Variants in FARP2 observed in about 807,000 individuals in gnomAD.
FARP2 encodes the protein FERM, ARHGEF and pleckstrin domain-containing protein 2.
A neutral mutation model predicts 130.5 loss-of-function variants in FARP2; 111 were observed. The ratio of observed to expected loss-of-function variants is 0.85; its 90% CI spans 0.73 to 1.00. The LOEUF is 1.00. FARP2 is among the 50% of genes least tolerant of loss of function. The probability of loss-of-function intolerance (pLI) is 0.00; values close to 1 mark genes in which losing one functional copy is unlikely to be tolerated. For missense variants in FARP2, 1,385 were observed against 1,346.3 expected (o/e 1.03, Z -0.45); for synonymous variants, 504 against 516.9 (o/e 0.98, Z 0.34).
At chr2:241,486,912 C>T (rs1196586047) in intron 21 of FARP2, among the ~76,000 whole-genome samples, 2 of 152,242 alleles carry the variant, frequency 1.3e-5, no homozygotes, top group East Asian at 3.8e-4. Context: ...GTCTCTCTTA[C>T]TCTTCCCAAG....
intron 19 of FARP2, among the ~76,000 whole-genome samples, chr2:241,483,179 G>A (rs956034610): frequency 3.9e-5 from 6 of 152,134 alleles, no homozygotes; most frequent in Admixed American, 6.5e-5. Flanking sequence ...ACAATACTCC[G>A]GGCTCTACCT....
intron 8 of FARP2, among the ~76,000 whole-genome samples, chr2:241,424,568 A>G (rs2062884901): frequency 6.6e-6 from 1 of 152,194 alleles, no homozygotes; most frequent in Non-Finnish European, 1.5e-5. Flanking sequence ...TCAAGAGCAA[A>G]CAAACCTCAA....
chr2:241,412,267 A>G (rs996038317), intron 6 of FARP2, among the ~76,000 whole-genome samples: 1 of 152,192 alleles, frequency 6.6e-6, no homozygotes, highest in Admixed American at 6.5e-5. Flanking sequence ...AACAGCACGG[A>G]AAAGATCCGC....
At chr2:241,455,118 G>GAAC (rs2063795461) in intron 13 of FARP2, among the ~76,000 whole-genome samples, 1 of 152,214 alleles carries the variant, frequency 6.6e-6, no homozygotes, top group Non-Finnish European at 1.5e-5. Context: ...TAGGTTAAGT[G>GAAC]AACCAAGTTT....
intron 2 of FARP2, among the ~76,000 whole-genome samples, chr2:241,384,008 A>C (rs2061725741): frequency 6.6e-6 from 1 of 151,460 alleles, no homozygotes; most frequent in Admixed American, 6.6e-5. Context: ...AGGTGCTAAC[A>C]TTGCCCTTCT....
At chr2:241,385,976 T>C (rs1278017504) in intron 2 of FARP2, among the ~76,000 whole-genome samples, 1 of 152,232 alleles carries the variant, frequency 6.6e-6, no homozygotes, top group Non-Finnish European at 1.5e-5. Flanking sequence ...TTTTATTTTA[T>C]GAATGTCAAC....
rs566578475 is a variant in FARP2 at position 241,405,214 on chromosome 2, G to T, written c.331+373G>T. On this transcript the variant is annotated intron_variant, in intron 4 of 26. Coordinates refer to ENST00000264042, the MANE Select transcript of FARP2 (RefSeq NM_014808.4). ...TACAGTTATAAACATAATTGTAATT[G>T]TGAATATAATAATAACAATTATATT... 6 of 160,850 alleles carry T rather than the reference G, an allele frequency of 3.7e-5. No homozygotes were observed. In the South Asian group the frequency reaches 1.1e-3, roughly 29 times the overall value. The allele number at this position is 160,850 out of a possible 1,614,324, so 10.0% of individuals were successfully genotyped here. A position where few individuals can be genotyped will look rare whatever the true frequency, so the allele number is the denominator to read the frequency against.
intron 19 of FARP2, among the ~76,000 whole-genome samples, chr2:241,481,042 T>C (rs1365940733): frequency 1.6e-5 from 2 of 125,790 alleles, no homozygotes; most frequent in African/African-American, 6.3e-5. Context: ...AACATACTGA[T>C]ACCTTGTCTC....
intron 7 of FARP2, among the ~76,000 whole-genome samples, chr2:241,414,715 A>T (rs542025465): frequency 1.3e-5 from 2 of 152,222 alleles, no homozygotes; most frequent in Non-Finnish European, 2.9e-5. Flanking sequence ...GTCATGAGAT[A>T]TACAGATGCG....
chr2:241,375,555 A>G (rs971997222), intron 2 of FARP2, among the ~76,000 whole-genome samples: 2 of 152,182 alleles, frequency 1.3e-5, no homozygotes, highest in African/African-American at 4.8e-5. Context: ...TTTTATACCT[A>G]AGAAAATAAG....
chr2:241,493,046 TTTCACTGGAGC>T lies in FARP2; in HGVS notation c.2895+11_2895+21del, dbSNP rs1316505533. 1.4e-6 allele frequency: 2 copies of T among 1,464,476 alleles called. No individual in the cohort carries two copies. Among genetic ancestry groups the T allele is most frequent in the Admixed American group, 3.3e-5 (2 of 59,778 alleles). The allele number at this position is 1,464,476 out of a possible 1,614,324, so 90.7% of individuals were successfully genotyped here. A position where few individuals can be genotyped will look rare whatever the true frequency, so the allele number is the denominator to read the frequency against. On this transcript the variant is annotated intron_variant, in intron 25 of 26. Coordinates refer to ENST00000264042, the MANE Select transcript of FARP2 (RefSeq NM_014808.4). ...CTACAAAACTCATCAGGTACTGGAG[TTTCACTGGAGC>T]CCAATGCAGGTGATGCTAGCAGACA...
chr2:241,378,489 G>C (rs890945613), intron 2 of FARP2, among the ~76,000 whole-genome samples: 4 of 137,834 alleles, frequency 2.9e-5, no homozygotes, highest in Admixed American at 8.5e-5. Context: ...AAAACTCACT[G>C]CAGCCTTGAC....
At chr2:241,465,607 G>A (rs114355242) in intron 17 of FARP2, 898 of 1,550,706 alleles carry the variant, frequency 5.8e-4, no homozygotes, top group Non-Finnish European at 7.4e-4. Context: ...AGTGCAGGTC[G>A]TGCATTGACT....
rs754118668 is a variant in FARP2, at chr2:241,441,752, G to A, written c.1411+196G>A. On this transcript the variant is annotated intron_variant, in intron 13 of 26. Coordinates refer to ENST00000264042, the MANE Select transcript of FARP2 (RefSeq NM_014808.4). The stretch of plus-strand genomic sequence containing the variant: ...GAGCACCGGTGTGACCGGCAGTGTC[G>A]TGGGGGGGCCCCTGCTTTCACATTG... The A allele has an allele frequency of 1.2e-5, 10 of 815,170 alleles. No individual in the cohort carries two copies. The East Asian group carries it at 1.6e-4, about 13-fold the overall frequency. 50.5% of individuals were successfully genotyped at this position (815,170 alleles called of 1,614,324 possible). A position where few individuals can be genotyped will look rare whatever the true frequency, so the allele number is the denominator to read the frequency against.
At chr2:241,493,683 C>G in intron 26 of FARP2, 1 of 551,428 alleles carries the variant, frequency 1.8e-6, no homozygotes, top group East Asian at 3.0e-5. Context: ...TAACCTGCAC[C>G]TCCAGGGTTC....
At position 241,441,743 on chromosome 2, in the gene FARP2, G is replaced by A. The variant is rs1004748238; in HGVS notation, c.1411+187G>A. 3.7e-5 allele frequency: 33 copies of A among 886,766 alleles called. No homozygotes were observed. The Middle Eastern group carries it at 1.3e-3, about 36-fold the overall frequency. The allele number at this position is 886,766 out of a possible 1,614,324, so 54.9% of individuals were successfully genotyped here. ...TCCGGTGGGGAGCACCGGTGTGACC[G>A]GCAGTGTCGTGGGGGGGCCCCTGCT... is the stretch of plus-strand genomic sequence containing the variant. On this transcript the variant is annotated intron_variant, in intron 13 of 26. Coordinates refer to ENST00000264042, the MANE Select transcript of FARP2 (RefSeq NM_014808.4).
intron 21 of FARP2, chr2:241,488,174 G>A (rs552112381): frequency 6.6e-6 from 1 of 151,872 alleles, no homozygotes; most frequent in East Asian, 1.9e-4. Flanking sequence ...GTGAAAAACA[G>A]AATGGTCGTA....
intron 18 of FARP2, among the ~76,000 whole-genome samples, chr2:241,474,608 T>C (rs577686385): frequency 6.6e-6 from 1 of 150,924 alleles, no homozygotes; most frequent in African/African-American, 2.4e-5. Flanking sequence ...CTGGCCAACA[T>C]GGTGAAACCC....
chr2:241,477,190 C>T (rs1308447058), intron 19 of FARP2, among the ~76,000 whole-genome samples: 2 of 145,514 alleles, frequency 1.4e-5, no homozygotes, highest in East Asian at 2.0e-4. Context: ...GGTGCAGTGC[C>T]GCGATCTTGG....
Sources: allele counts gnomAD v4.1 joint callset (sites outside exome capture counted in the v4.1 genomes callset), GRCh38; gene constraint gnomAD v4.1.1; transcripts MANE v1.5; gene names NCBI Gene and HGNC (gene_info 2026-07-23, HGNC 2026-07-21).